CHSY3: variants seen among roughly 807,000 people sequenced by gnomAD.
CHSY3 encodes the protein N-acetylgalactosaminyl-proteoglycan 3-beta-glucuronosyltransferase 3.
Under a neutral mutation model 67.2 loss-of-function variants are expected in CHSY3, and 35 were observed. The ratio of observed to expected loss-of-function variants is 0.52; its 90% confidence interval spans 0.40 to 0.69. The LOEUF (loss-of-function observed/expected upper bound fraction) is 0.69, where lower values mean the gene tolerates loss of function less well. Among genes scored for constraint, CHSY3 ranks in the 30% least tolerant of loss-of-function variants. The pLI is 0.00. For synonymous variants in CHSY3, 474 were observed against 434.7 expected, an observed-to-expected ratio of 1.09 and a Z score of -1.12; for missense variants, 1,069 against 1,138.5, an observed-to-expected ratio of 0.94 and a Z score of 0.88.
At chr5:129,918,200 T>C (rs2149580842) in intron 2 of CHSY3, among the ~76,000 whole-genome samples, 1 of 152,336 alleles carries the variant, frequency 6.6e-6, no homozygotes, top group Non-Finnish European at 1.5e-5. Context: ...TCTTAAAAAA[T>C]ATCCAAGGTG....
In CHSY3 at chr5:130,089,291, G is replaced by A. The variant is rs1330442106; in HGVS notation, c.1087-94938G>A. ...AATGCTAAATGACGAGTTAATGGGT[G>A]CAGCACACCAGCATGGCACATGTAT... On this transcript the variant is annotated intron_variant, in intron 2 of 2. Transcript: ENST00000305031. Among the ~76,000 whole-genome samples, 3 of 150,796 alleles carry A rather than the reference G, an allele frequency of 2.0e-5. No homozygotes were observed. In the East Asian group the frequency reaches 5.9e-4, roughly 30 times the overall value.
At chr5:129,913,247 T>C (rs1387062185) in intron 2 of CHSY3, among the ~76,000 whole-genome samples, 9 of 152,238 alleles carry the variant, frequency 5.9e-5, no homozygotes, top group Admixed American at 2.0e-4. Flanking sequence ...TCACGTTTAT[T>C]TTCCCTGCCT....
At chr5:130,108,308 C>G (rs1767477025) in intron 2 of CHSY3, among the ~76,000 whole-genome samples, 1 of 151,406 alleles carries the variant, frequency 6.6e-6, no homozygotes, top group African/African-American at 2.4e-5. Flanking sequence ...TTCCAGAGAG[C>G]CCTTTCAAAA....
chr5:129,924,374 G>A (rs1186352435), intron 2 of CHSY3, among the ~76,000 whole-genome samples: 1 of 151,964 alleles, frequency 6.6e-6, no homozygotes, highest in Admixed American at 6.6e-5. Context: ...ACGGCCGAGC[G>A]CAGTGGCTCA....
chr5:129,974,051 T>A (rs1297114105), intron 2 of CHSY3, among the ~76,000 whole-genome samples: 1 of 152,140 alleles, frequency 6.6e-6, no homozygotes, highest in Non-Finnish European at 1.5e-5. Flanking sequence ...GAACTCTCTA[T>A]AATTGTAAAA....
intron 2 of CHSY3, among the ~76,000 whole-genome samples, chr5:129,928,235 CT>C (rs995546860): frequency 1.5e-5 from 2 of 130,954 alleles, no homozygotes; most frequent in Admixed American, 9.0e-5. Context: ...CTCAACTTCA[CT>C]GATCATTAGA....
At chr5:129,961,841 C>T (rs1052243030) in intron 2 of CHSY3, among the ~76,000 whole-genome samples, 1 of 151,932 alleles carries the variant, frequency 6.6e-6, no homozygotes, top group Non-Finnish European at 1.5e-5. Flanking sequence ...CTTTCAATAA[C>T]TATTTCAGAT....
At chr5:129,949,439 G>A (rs774940654) in intron 2 of CHSY3, among the ~76,000 whole-genome samples, 1 of 152,010 alleles carries the variant, frequency 6.6e-6, no homozygotes, top group African/African-American at 2.4e-5. Flanking sequence ...GGAGTAAGGA[G>A]ACAGAATTAA....
At chr5:130,104,039 T>C (rs1767337028) in intron 2 of CHSY3, among the ~76,000 whole-genome samples, 1 of 151,966 alleles carries the variant, frequency 6.6e-6, no homozygotes, top group South Asian at 2.1e-4. Flanking sequence ...ATGGATCTGC[T>C]AGTTTGGTTG....
chr5:130,047,348 A>G (rs978496233), intron 2 of CHSY3, among the ~76,000 whole-genome samples: 4 of 152,070 alleles, frequency 2.6e-5, no homozygotes, highest in African/African-American at 9.6e-5. Context: ...CCTACTGTAT[A>G]CAAAGTCCCA....
chr5:129,934,462 T>G (rs1299736449), intron 2 of CHSY3, among the ~76,000 whole-genome samples: 1 of 152,180 alleles, frequency 6.6e-6, no homozygotes, highest in Non-Finnish European at 1.5e-5. Flanking sequence ...AGAGTAAATA[T>G]AGAAGAAATC....
chr5:130,003,560 T>A (rs182164660), intron 2 of CHSY3, among the ~76,000 whole-genome samples: 173 of 152,246 alleles, frequency 1.1e-3, no homozygotes, highest in African/African-American at 3.9e-3. Flanking sequence ...TATTCTGTCT[T>A]TAGCATGAGC....
rs148710784 is a variant in CHSY3 at position 130,083,161 on chromosome 5, T to A, written c.1087-101068T>A. Among the ~76,000 whole-genome samples, 32 of 152,160 alleles carry A rather than the reference T, an allele frequency of 2.1e-4. No homozygotes were observed. In the East Asian group the frequency reaches 5.6e-3, roughly 27 times the overall value. ...TTTTCCAAGACCTGAACTTTTTTTC[T>A]TTCCTTCTTAATGTAACAAATGACT... On this transcript the variant is annotated intron_variant, in intron 2 of 2. Transcript: ENST00000305031.
chr5:129,965,762 G>T (rs781018091), intron 2 of CHSY3, among the ~76,000 whole-genome samples: 2 of 151,906 alleles, frequency 1.3e-5, no homozygotes, highest in Non-Finnish European at 2.9e-5. Flanking sequence ...CAATAGGAAA[G>T]AAATTGTAGA....
chr5:129,997,318 A>T (rs1210204058), intron 2 of CHSY3, among the ~76,000 whole-genome samples: 1 of 152,146 alleles, frequency 6.6e-6, no homozygotes, highest in Non-Finnish European at 1.5e-5. Flanking sequence ...AATGCTACCA[A>T]GTGTTTAACC....
At chr5:130,079,288 C>T (rs1303466403) in intron 2 of CHSY3, among the ~76,000 whole-genome samples, 14 of 152,030 alleles carry the variant, frequency 9.2e-5, no homozygotes, top group Non-Finnish European at 1.3e-4. Context: ...ACCTCTTCTA[C>T]GTAGAACATT....
At chr5:129,980,382 A>T (rs981862696) in intron 2 of CHSY3, among the ~76,000 whole-genome samples, 12 of 152,176 alleles carry the variant, frequency 7.9e-5, no homozygotes, top group Admixed American at 6.5e-4. Context: ...TTCATTTCAC[A>T]TTTCAGATGC....
chr5:129,993,280 CGTT>C (rs1763423257), intron 2 of CHSY3, among the ~76,000 whole-genome samples: 1 of 152,026 alleles, frequency 6.6e-6, no homozygotes, highest in Non-Finnish European at 1.5e-5. Flanking sequence ...GATTCCATCT[CGTT>C]GATCTGTTTA....
chr5:129,916,622 T>C lies in CHSY3; in HGVS notation c.1086+8262T>C, dbSNP rs540533731. Among the ~76,000 whole-genome samples the C allele has an allele frequency of 2.6e-5, 4 of 152,322 alleles. No homozygotes were observed. The South Asian group carries it at 8.3e-4, about 32-fold the overall frequency. On this transcript the variant is annotated intron_variant, in intron 2 of 2. Transcript: ENST00000305031. ...ATATTTAATATACGTGAGTATCTCA[T>C]AAAATATGAAAAAATATGGTGTTAA... is the stretch of plus-strand genomic sequence containing the variant.
Sources: allele counts gnomAD v4.1 joint callset (sites outside exome capture counted in the v4.1 genomes callset), GRCh38; gene constraint gnomAD v4.1.1; transcripts MANE v1.5; gene names NCBI Gene and HGNC (gene_info 2026-07-23, HGNC 2026-07-21).